CFAP299: variants seen among roughly 807,000 people sequenced by gnomAD.
CFAP299 encodes cilia- and flagella-associated protein 299.
CFAP299 carries 21 observed loss-of-function variants against 27.0 expected under a neutral mutation model. That is an observed-to-expected ratio of 0.78 (90% CI 0.55 to 1.12). The LOEUF (loss-of-function observed/expected upper bound fraction) is 1.12, where lower values mean the gene tolerates loss of function less well. Ranked by LOEUF, CFAP299 falls within the 50% of genes most tolerant of loss-of-function variation. The pLI is 0.00. For missense variants in CFAP299, 310 were observed against 276.6 expected, an observed-to-expected ratio of 1.12 and a Z score of -0.86; for synonymous variants, 104 against 98.1, an observed-to-expected ratio of 1.06 and a Z score of -0.36.
chr4:80,583,273 T>A, intron 3 of CFAP299, 90 bp downstream of exon 3: 1 of 639,766 alleles, frequency 1.6e-6, no homozygotes, highest in Non-Finnish European at 2.5e-6. Context: ...TTTCTTAAAG[T>A]AATTTACAAG....
At chr4:80,733,692 C>T (rs1330312477) in intron 3 of CFAP299, among the ~76,000 whole-genome samples, 1 of 152,022 alleles carries the variant, frequency 6.6e-6, no homozygotes, top group Non-Finnish European at 1.5e-5. Flanking sequence ...TTTTTGGATC[C>T]CACAAATATG....
chr4:80,889,972 C>A (rs531274943), intron 4 of CFAP299, among the ~76,000 whole-genome samples: 3 of 152,054 alleles, frequency 2.0e-5, no homozygotes, highest in Admixed American at 6.6e-5. Context: ...AATGAACATA[C>A]CTCAATGTAA....
chr4:80,809,623 C>T (rs1172155945), intron 3 of CFAP299, among the ~76,000 whole-genome samples: 2 of 152,050 alleles, frequency 1.3e-5, no homozygotes, highest in African/African-American at 4.8e-5. Flanking sequence ...GCCTCAAATC[C>T]ACATTCTTCA....
intron 3 of CFAP299, among the ~76,000 whole-genome samples, chr4:80,732,641 C>G (rs1012459982): frequency 6.6e-6 from 1 of 151,936 alleles, no homozygotes; most frequent in Non-Finnish European, 1.5e-5. Flanking sequence ...GTTATTTCTT[C>G]TAGGAAAGTC....
intron 4 of CFAP299, chr4:80,872,908 TG>T: frequency 2.1e-6 from 2 of 966,788 alleles, no homozygotes; most frequent in Non-Finnish European, 2.5e-6. Context: ...TCTCTCTGTG[TG>T]TAGTTCTTCT....
At chr4:80,859,810 G>A (rs1732196728) in intron 3 of CFAP299, among the ~76,000 whole-genome samples, 1 of 152,100 alleles carries the variant, frequency 6.6e-6, no homozygotes, top group Non-Finnish European at 1.5e-5. Context: ...CCCTTTGTGG[G>A]TAACCCGACC....
At chr4:80,835,179 C>T (rs1427992513) in intron 3 of CFAP299, among the ~76,000 whole-genome samples, 5 of 151,982 alleles carry the variant, frequency 3.3e-5, no homozygotes, top group Admixed American at 2.0e-4. Context: ...TGCAGTGGCT[C>T]GATCTCGGCT....
In CFAP299 at chr4:80,379,306, A is replaced by G. The variant is rs181843405; in HGVS notation, c.242+16422A>G. Reference sequence around the variant, plus strand: ...TTTTTATCTCTGATATTAGTAGGTCATTTTTAATCTATCAGTTTTAATGAT... The same window carrying G: ...TTTTTATCTCTGATATTAGTAGGTCGTTTTTAATCTATCAGTTTTAATGAT... On this transcript the variant is annotated intron_variant, in intron 2 of 5. Transcript: ENST00000358105. Among the ~76,000 whole-genome samples, 4 of 151,980 alleles carry G rather than the reference A, an allele frequency of 2.6e-5. No individual in the cohort carries two copies. In the East Asian group the frequency reaches 7.7e-4, roughly 29 times the overall value.
intron 2 of CFAP299, chr4:80,386,774 A>G: frequency 2.3e-6 from 3 of 1,281,788 alleles, no homozygotes; most frequent in South Asian, 1.2e-5. Flanking sequence ...CCGGTTGAAC[A>G]ACTTACCGCA....
At chr4:80,395,766 A>G (rs1725746822) in intron 2 of CFAP299, among the ~76,000 whole-genome samples, 1 of 152,144 alleles carries the variant, frequency 6.6e-6, no homozygotes, top group South Asian at 2.1e-4. Context: ...TATTAAAATT[A>G]AATTCAAGCC....
intron 3 of CFAP299, among the ~76,000 whole-genome samples, chr4:80,615,704 G>A (rs761660102): frequency 6.6e-6 from 1 of 151,978 alleles, no homozygotes. Context: ...GCCCTGCTTA[G>A]GCATACATCT....
At chr4:80,579,919 T>C (rs924077454) in intron 2 of CFAP299, among the ~76,000 whole-genome samples, 5 of 152,114 alleles carry the variant, frequency 3.3e-5, no homozygotes, top group African/African-American at 1.2e-4. Flanking sequence ...AATTGGACTT[T>C]ATCTGTAAAG....
chr4:80,740,574 T>A (rs1724200132), intron 3 of CFAP299, among the ~76,000 whole-genome samples: 1 of 152,154 alleles, frequency 6.6e-6, no homozygotes, highest in Non-Finnish European at 1.5e-5. Flanking sequence ...AGACATGAAG[T>A]CAGATGAATA....
chr4:80,700,456 G>A (rs533179908), intron 3 of CFAP299, among the ~76,000 whole-genome samples: 1 of 152,156 alleles, frequency 6.6e-6, no homozygotes, highest in African/African-American at 2.4e-5. Flanking sequence ...ATAGGTAAAT[G>A]AAGAGGAAAA....
At chr4:80,932,276 A>G (rs1200996337) in intron 4 of CFAP299, among the ~76,000 whole-genome samples, 2 of 152,120 alleles carry the variant, frequency 1.3e-5, no homozygotes, top group Non-Finnish European at 2.9e-5. Context: ...AGGTTTTCCA[A>G]CCATTATCTG....
intron 3 of CFAP299, among the ~76,000 whole-genome samples, chr4:80,764,315 G>A (rs1725720094): frequency 6.6e-6 from 1 of 152,128 alleles, no homozygotes; most frequent in Admixed American, 6.6e-5. Context: ...CTCAAAAGAA[G>A]ACATTTATGC....
intron 5 of CFAP299, among the ~76,000 whole-genome samples, chr4:80,949,546 CA>C (rs66476856): frequency 0.065 from 2,801 of 43,022 alleles, 97 homozygotes; most frequent in African/African-American, 0.15. Context: ...ACAACAACAA[CA>C]AAAAAAAAAA....
intron 2 of CFAP299, among the ~76,000 whole-genome samples, chr4:80,392,589 G>A (rs963598242): frequency 2.6e-5 from 4 of 151,944 alleles, no homozygotes; most frequent in African/African-American, 7.3e-5. Context: ...CCTTGCTGCC[G>A]TCATGTGAAG....
intron 2 of CFAP299, among the ~76,000 whole-genome samples, chr4:80,411,906 G>A (rs1017934942): frequency 6.6e-6 from 1 of 152,076 alleles, no homozygotes; most frequent in Non-Finnish European, 1.5e-5. Flanking sequence ...TGCCCACAGA[G>A]AGCATCATCT....
Sources: gnomAD v4.1 joint callset for allele counts (sites outside exome capture counted in the v4.1 genomes callset) on GRCh38, gnomAD v4.1.1 for gene constraint, MANE v1.5 for transcripts, NCBI Gene and HGNC (gene_info 2026-07-23, HGNC 2026-07-21) for gene names.